The following GPR55 variants were observed in gnomAD, a reference collection of about 807,000 sequenced individuals.
GPR55 encodes G-protein coupled receptor 55.
Under a neutral mutation model 7.9 loss-of-function variants are expected in GPR55, and 6 were observed. That is an observed-to-expected ratio of 0.76 (90% confidence interval 0.41 to 1.49). GPR55 has a LOEUF of 1.49. GPR55 is among the 40% of genes most tolerant of loss of function. The pLI is 0.01. For missense variants in GPR55, 376 were observed against 406.0 expected (o/e 0.93, Z 0.63); for synonymous variants, 183 against 166.8 (o/e 1.10, Z -0.75).
At chr2:230,947,035 T>C (rs1255915303) in intron 1 of GPR55, among the ~76,000 whole-genome samples, 3 of 152,220 alleles carry the variant, frequency 2.0e-5, no homozygotes, top group Admixed American at 6.5e-5. Flanking sequence ...TTGACTTCAG[T>C]GTATTCAACT....
At chr2:230,940,410 T>C (rs947514555) in intron 1 of GPR55, among the ~76,000 whole-genome samples, 9 of 152,136 alleles carry the variant, frequency 5.9e-5, no homozygotes, top group African/African-American at 1.7e-4. Context: ...TGCTGTGAAT[T>C]CTGAAGCAGC....
At position 230,956,781 on chromosome 2, in the gene GPR55, C is replaced by T. The variant is rs1691488680; in HGVS notation, c.-135+3994G>A. Among the ~76,000 whole-genome samples, 6 of 152,208 alleles carry T rather than the reference C, an allele frequency of 3.9e-5. No homozygotes were observed. The South Asian group carries it at 1.2e-3, about 31-fold the overall frequency. ...ATCAGGGTTCATGTGTTGTATTTGA[C>T]TGTTTAATACCTTTTCATCTAGAGC... On this transcript the variant is annotated intron_variant, in intron 1 of 1. Transcript: ENST00000392039.
chr2:230,909,018 C>G lies in GPR55; in HGVS notation c.*985G>C, dbSNP rs1690519176. ...GATGCAGGTGAGTAAGACAGCACCT[C>G]CTCCACCCTCCTATGGTGGAACCAA... is the stretch of plus-strand genomic sequence containing the variant. On this transcript the variant is annotated 3_prime_UTR_variant, in exon 2 of 2. Transcript: ENST00000650999. 6.6e-6 allele frequency: 1 copy of G among 152,306 alleles called. No homozygotes were observed. Among genetic ancestry groups the G allele is most frequent in the Non-Finnish European group, 1.5e-5 (1 of 68,096 alleles). 9.4% of individuals were successfully genotyped at this position (152,306 alleles called of 1,614,324 possible).
chr2:230,915,943 G>C (rs1056064202), intron 1 of GPR55, among the ~76,000 whole-genome samples: 2 of 151,988 alleles, frequency 1.3e-5, no homozygotes, highest in African/African-American at 2.4e-5. Flanking sequence ...TCATCACTAA[G>C]AAGAGTGCAA....
chr2:230,931,945 C>T (rs1691046742), intron 1 of GPR55, among the ~76,000 whole-genome samples: 1 of 152,060 alleles, frequency 6.6e-6, no homozygotes, highest in African/African-American at 2.4e-5. Flanking sequence ...ACCCCTCACC[C>T]CTTCCCTGGT....
In GPR55 at chr2:230,944,482, G is replaced by A. The variant is rs1691281515; in HGVS notation, c.-135+16293C>T. On this transcript the variant is annotated intron_variant, in intron 1 of 1. Transcript: ENST00000392039. The surrounding 1 kb of genome is among the most constrained non-coding windows in gnomAD (Gnocchi z 4.2). ...CCAGTAACCATCGCTGGTTAGTTCA[G>A]AGGGAAATGTCCACAACAGAGATGA... 2.0e-5 allele frequency among the ~76,000 whole-genome samples: 3 copies of A among 152,188 alleles called. No homozygotes were observed. Among genetic ancestry groups the A allele is most frequent in the Admixed American group, 6.5e-5 (1 of 15,286 alleles).
chr2:230,955,871 C>T (rs1259387246), intron 1 of GPR55, among the ~76,000 whole-genome samples: 2 of 152,154 alleles, frequency 1.3e-5, no homozygotes, highest in African/African-American at 2.4e-5. Context: ...GGACTACAGG[C>T]GTGTGCCACC....
chr2:230,920,337 G>A (rs1434711396), intron 1 of GPR55, among the ~76,000 whole-genome samples: 1 of 152,110 alleles, frequency 6.6e-6, no homozygotes, highest in Non-Finnish European at 1.5e-5. Flanking sequence ...CTCAGCTGAT[G>A]AGGCATGACC....
chr2:230,927,096 A>G (rs919515352), upstream of GPR55, among the ~76,000 whole-genome samples: 26 of 152,208 alleles, frequency 1.7e-4, no homozygotes. Flanking sequence ...ATTCAAATAC[A>G]TATGTAAACA....
intron 1 of GPR55, among the ~76,000 whole-genome samples, chr2:230,914,982 G>A (rs1690675727): frequency 6.6e-6 from 1 of 152,260 alleles, no homozygotes; most frequent in South Asian, 2.1e-4. Context: ...AAGGTGGGAA[G>A]GACTTCAGAC....
chr2:230,926,939 C>A (rs897754866), upstream of GPR55, among the ~76,000 whole-genome samples: 1 of 152,076 alleles, frequency 6.6e-6, no homozygotes, highest in Non-Finnish European at 1.5e-5. Context: ...GATTCACCCA[C>A]CTCGGCCTCC....
Position 230,910,035 on chromosome 2 carries a change from C to A in GPR55, c.928G>T (p.Val310Phe), listed in dbSNP as rs780282182. The A allele has an allele frequency of 6.2e-7, 1 of 1,613,882 alleles. No individual in the cohort carries two copies. The highest frequency in any genetic ancestry group is 8.5e-7 in the Non-Finnish European group (1 of 1,179,976). Residue 310 changes from valine to phenylalanine, a missense_variant, in exon 2 of 2, where the codon GTC becomes TTC. Transcript: ENST00000650999. The surrounding 1 kb of genome is among the most constrained non-coding windows in gnomAD (Gnocchi z 5.4). ...RAHRPSRVQL[V>F]LQDTTISRG ...CGGGAGATCGTGGTGTCCTGCAGGA[C>A]CAGCTGGACCCTGGAAGGCCGGTGG...
rs147188557 is a variant in GPR55 at position 230,930,385 on chromosome 2, C to T, written c.-134-19289G>A. Among the ~76,000 whole-genome samples, 9 of 136,070 alleles carry T rather than the reference C, an allele frequency of 6.6e-5. No individual in the cohort carries two copies. In the East Asian group the frequency reaches 2.0e-3, roughly 30 times the overall value. 89.3% of individuals were successfully genotyped at this position (136,070 alleles called of 152,430 possible). A position where few individuals can be genotyped will look rare whatever the true frequency, so the allele number is the denominator to read the frequency against. ...TTACGTGTTGAGTCTTTTCTCCCTA[C>T]TTCACCCCTTCCCACCTCCCCTACA... On this transcript the variant is annotated intron_variant, in intron 1 of 1. Coordinates refer to the GPR55 transcript ENST00000392039.
intron 1 of GPR55, among the ~76,000 whole-genome samples, chr2:230,957,371 G>A (rs1691507469): frequency 6.6e-6 from 1 of 152,236 alleles, no homozygotes; most frequent in Non-Finnish European, 1.5e-5. Context: ...GTCGATCACT[G>A]ACGGCCGGTG....
upstream of GPR55, among the ~76,000 whole-genome samples, chr2:230,926,461 G>T (rs1001582595): frequency 6.6e-6 from 1 of 152,180 alleles, no homozygotes; most frequent in Non-Finnish European, 1.5e-5. Flanking sequence ...CTGGGCAAGG[G>T]GGGGCAGCCA....
At chr2:230,919,716 T>C (rs1690792383) in intron 1 of GPR55, among the ~76,000 whole-genome samples, 1 of 152,228 alleles carries the variant, frequency 6.6e-6, no homozygotes, top group African/African-American at 2.4e-5. Flanking sequence ...TACAAAAATA[T>C]GTCCACCTTG....
Position 230,931,798 on chromosome 2 carries a change from G to A in GPR55, c.-134-20702C>T, listed in dbSNP as rs545330248. On this transcript the variant is annotated intron_variant, in intron 1 of 1. Coordinates refer to the GPR55 transcript ENST00000392039. ...CCCTTCCTTCCACACCCTGAGTGGT[G>A]CCCCACTCCACTGCCCGGGCCACCC... Among the ~76,000 whole-genome samples the A allele has an allele frequency of 3.8e-4, 57 of 151,934 alleles. 1 individual carries two copies. The highest frequency in any genetic ancestry group is 1.5e-5 in the Non-Finnish European group (1 of 67,980).
chr2:230,920,195 G>C (rs369564821), intron 1 of GPR55, among the ~76,000 whole-genome samples: 18 of 151,984 alleles, frequency 1.2e-4, no homozygotes, highest in African/African-American at 4.4e-4. Context: ...GGAAAAAGGA[G>C]ACCAGTAAGG....
At chr2:230,947,686 G>T (rs181945723) in intron 1 of GPR55, among the ~76,000 whole-genome samples, 552 of 152,076 alleles carry the variant, frequency 3.6e-3, no homozygotes, top group Non-Finnish European at 4.9e-3. Context: ...AACTTTTGTA[G>T]AGACTAGGTC....
Sources: gnomAD v4.1 joint callset for allele counts (sites outside exome capture counted in the v4.1 genomes callset) on GRCh38, gnomAD v4.1.1 for gene constraint, Gnocchi (gnomAD v3.1) non-coding constraint, MANE v1.5 for transcripts, NCBI Gene and HGNC (gene_info 2026-07-23, HGNC 2026-07-21) for gene names.